Variants in OXR1 observed in about 807,000 individuals in gnomAD.
OXR1 encodes the protein oxidation resistance protein 1.
OXR1 carries 41 observed loss-of-function variants against 104.6 expected under a neutral mutation model. That is an observed-to-expected ratio of 0.39 (90% CI 0.31 to 0.51). OXR1 has a LOEUF of 0.51. OXR1 is among the 20% of genes least tolerant of loss of function. The pLI, the probability that OXR1 is intolerant of heterozygous loss-of-function variation, is 0.77. For missense variants in OXR1, 955 were observed against 1,031.9 expected, an observed-to-expected ratio of 0.93 and a Z score of 1.02; for synonymous variants, 348 against 348.4, an observed-to-expected ratio of 1.00 and a Z score of 0.01.
chr8:106,359,716 GA>G, intron 2 of OXR1, 80 bp downstream of exon 2: 3 of 1,032,094 alleles, frequency 2.9e-6, no homozygotes, highest in Non-Finnish European at 4.4e-6. Context: ...CGTACAGGCA[GA>G]ACTTGGGCAG....
intron 1 of OXR1, among the ~76,000 whole-genome samples, chr8:106,274,399 CT>C (rs1811942891): frequency 6.6e-6 from 1 of 152,226 alleles, no homozygotes; most frequent in Non-Finnish European, 1.5e-5. Context: ...TATCTACCCC[CT>C]CTTCTGTCTC....
At chr8:106,657,722 C>A in intron 3 of OXR1, 1 of 573,188 alleles carries the variant, frequency 1.7e-6, no homozygotes, top group Non-Finnish European at 2.5e-6. Flanking sequence ...AAGCTAAGTT[C>A]TGCCTCATTT....
chr8:106,658,446 C>T (rs988979807), intron 3 of OXR1, among the ~76,000 whole-genome samples: 1 of 152,188 alleles, frequency 6.6e-6, no homozygotes, highest in African/African-American at 2.4e-5. Context: ...ACTTGATTTT[C>T]TTTCCCCGCC....
At chr8:106,499,638 CAG>C (rs1283356423) in intron 2 of OXR1, among the ~76,000 whole-genome samples, 2 of 152,172 alleles carry the variant, frequency 1.3e-5, no homozygotes, top group Non-Finnish European at 2.9e-5. Flanking sequence ...CAGTGCATGA[CAG>C]AAATTATGAA....
chr8:106,592,437 C>T (rs1819171489), intron 3 of OXR1, among the ~76,000 whole-genome samples: 1 of 152,156 alleles, frequency 6.6e-6, no homozygotes, highest in Non-Finnish European at 1.5e-5. Context: ...CTGCAAATAG[C>T]TACTTCACTT....
chr8:106,406,558 T>C lies in OXR1; in HGVS notation c.23+46922T>C, dbSNP rs557726186. Among the ~76,000 whole-genome samples the C allele has an allele frequency of 1.2e-3, 182 of 152,182 alleles. 5 individuals are homozygous for C. The highest frequency in any genetic ancestry group is 0.012 in the Admixed American group (181 of 15,276). ...CAAGCCATGAACAGTTATTAAGAAA[T>C]CTTAAATGCGTATTACTAAATGAAA... On this transcript the variant is annotated intron_variant, in intron 2 of 16. Transcript: ENST00000517566.
intron 2 of OXR1, among the ~76,000 whole-genome samples, chr8:106,475,452 T>A (rs1397196528): frequency 6.6e-6 from 1 of 151,832 alleles, no homozygotes; most frequent in Non-Finnish European, 1.5e-5. Flanking sequence ...TACTGTCTCA[T>A]GCGTGGCAGA....
chr8:106,345,116 G>A (rs1815423969), intron 1 of OXR1, among the ~76,000 whole-genome samples: 1 of 152,208 alleles, frequency 6.6e-6, no homozygotes, highest in Non-Finnish European at 1.5e-5. Context: ...CTTGAAAGCA[G>A]GGAGCCTATT....
chr8:106,331,530 A>G (rs181730606), intron 1 of OXR1, among the ~76,000 whole-genome samples: 328 of 152,304 alleles, frequency 2.2e-3, no homozygotes, highest in African/African-American at 7.5e-3. Context: ...ATAATAAATG[A>G]TGGCTTTGAA....
At chr8:106,285,926 TTAATC>T (rs76121889) in intron 1 of OXR1, among the ~76,000 whole-genome samples, 1,239 of 64,042 alleles carry the variant, frequency 0.019, 21 homozygotes, top group East Asian at 0.032. Context: ...ATGTGTGTCT[TTAATC>T]TATGCAACAT....
intron 2 of OXR1, among the ~76,000 whole-genome samples, chr8:106,404,049 G>T (rs1156301213): frequency 6.6e-6 from 1 of 152,150 alleles, no homozygotes; most frequent in Non-Finnish European, 1.5e-5. Context: ...GCAATGCAGG[G>T]TTAATCCCCT....
At chr8:106,418,237 T>C (rs1011505145) in intron 2 of OXR1, among the ~76,000 whole-genome samples, 2 of 152,164 alleles carry the variant, frequency 1.3e-5, no homozygotes, top group Non-Finnish European at 2.9e-5. Context: ...CTTTAGTTTT[T>C]TATTTTATTT....
At chr8:106,557,323 C>G (rs1414553898) in intron 3 of OXR1, among the ~76,000 whole-genome samples, 1 of 152,082 alleles carries the variant, frequency 6.6e-6, no homozygotes, top group Non-Finnish European at 1.5e-5. Context: ...CCATACATAG[C>G]TGTAAGGTAA....
chr8:106,570,844 A>C (rs1035769926), intron 3 of OXR1, among the ~76,000 whole-genome samples: 12 of 152,190 alleles, frequency 7.9e-5, no homozygotes. Context: ...ATTCACATTC[A>C]GCAAACAAGA....
At chr8:106,407,845 C>A (rs1399396479) in intron 2 of OXR1, among the ~76,000 whole-genome samples, 1 of 152,126 alleles carries the variant, frequency 6.6e-6, no homozygotes, top group Non-Finnish European at 1.5e-5. Context: ...CTGTACAATT[C>A]TTGCTCACCC....
chr8:106,359,395 C>T, intron 1 of OXR1, 81 bp from the exon 2 acceptor site: 1 of 513,524 alleles, frequency 1.9e-6, no homozygotes, highest in South Asian at 3.2e-5. Flanking sequence ...ATGACAAAAC[C>T]ATTGATTTGG....
At chr8:106,533,111 C>G (rs1482480199) in intron 3 of OXR1, among the ~76,000 whole-genome samples, 1 of 152,116 alleles carries the variant, frequency 6.6e-6, no homozygotes, top group Non-Finnish European at 1.5e-5. Flanking sequence ...TTATGGTGTC[C>G]TTTTCCTAGT....
intron 11 of OXR1, among the ~76,000 whole-genome samples, chr8:106,725,567 A>G (rs988886550): frequency 6.6e-6 from 1 of 152,226 alleles, no homozygotes; most frequent in Non-Finnish European, 1.5e-5. Flanking sequence ...TTTTCAAGAA[A>G]TTAGATGTTA....
intron 1 of OXR1, among the ~76,000 whole-genome samples, chr8:106,343,877 T>C (rs1037928057): frequency 3.9e-5 from 6 of 152,214 alleles, no homozygotes; most frequent in Admixed American, 2.0e-4. Context: ...AAAACTGATA[T>C]ACAGAAGGCT....
Sources: allele counts gnomAD v4.1 joint callset (sites outside exome capture counted in the v4.1 genomes callset), GRCh38; gene constraint gnomAD v4.1.1; transcripts MANE v1.5; gene names NCBI Gene and HGNC (gene_info 2026-07-23, HGNC 2026-07-21).